EPHA6: variants seen among roughly 807,000 people sequenced by gnomAD.
The protein encoded by EPHA6 is ephrin type-A receptor 6.
A neutral mutation model predicts 112.0 loss-of-function variants in EPHA6; 50 were observed. The observed-to-expected ratio is 0.45, with a 90% CI of 0.36 to 0.56. The LOEUF (loss-of-function observed/expected upper bound fraction) is 0.56, where lower values mean the gene tolerates loss of function less well. Ranked by LOEUF, EPHA6 falls within the 20% of genes least tolerant of loss-of-function variation. The pLI is 0.00. For synonymous variants in EPHA6, 529 were observed against 490.7 expected (o/e 1.08, Z -1.03); for missense variants, 1,280 against 1,417.4 (o/e 0.90, Z 1.56).
At chr3:97,012,625 A>AT (rs762686976) in intron 3 of EPHA6, among the ~76,000 whole-genome samples, 3,357 of 131,446 alleles carry the variant, frequency 0.026, 146 homozygotes, top group African/African-American at 0.086. Context: ...ATATATATGT[A>AT]TTTTTTTTTT....
chr3:97,342,790 G>A (rs1292416472), intron 5 of EPHA6, among the ~76,000 whole-genome samples: 2 of 152,096 alleles, frequency 1.3e-5, no homozygotes, highest in Non-Finnish European at 2.9e-5. Context: ...CAGAAAGAGG[G>A]CCCTAACCCA....
chr3:97,203,215 A>T (rs2077625517), intron 3 of EPHA6, among the ~76,000 whole-genome samples: 1 of 152,176 alleles, frequency 6.6e-6, no homozygotes, highest in African/African-American at 2.4e-5. Context: ...TGTCAAAATT[A>T]TGTTGTAAGG....
At chr3:97,648,660 C>A (rs1185331371) in intron 14 of EPHA6, 4 of 1,067,592 alleles carry the variant, frequency 3.7e-6, no homozygotes, top group Non-Finnish European at 4.5e-6. Context: ...AAAACATACT[C>A]AGAACTTTCA....
intron 13 of EPHA6, among the ~76,000 whole-genome samples, chr3:97,613,969 C>A (rs1231739085): frequency 1.3e-5 from 2 of 152,190 alleles, no homozygotes; most frequent in Non-Finnish European, 2.9e-5. Flanking sequence ...CTTTTTGTGG[C>A]ACTTACCTGC....
chr3:97,507,966 C>A (rs1268035803), intron 10 of EPHA6, among the ~76,000 whole-genome samples: 3 of 152,098 alleles, frequency 2.0e-5, no homozygotes, highest in African/African-American at 7.2e-5. Flanking sequence ...TTATAGTATT[C>A]TCTGATGGTA....
At chr3:97,397,921 A>G (rs985048782) in intron 5 of EPHA6, among the ~76,000 whole-genome samples, 1 of 151,554 alleles carries the variant, frequency 6.6e-6, no homozygotes, top group African/African-American at 2.4e-5. Context: ...TAACATATGA[A>G]AGGAATGTGC....
At chr3:97,153,795 A>C (rs1208429202) in intron 3 of EPHA6, among the ~76,000 whole-genome samples, 2 of 152,158 alleles carry the variant, frequency 1.3e-5, no homozygotes, top group Non-Finnish European at 2.9e-5. Context: ...ATGTGATCAA[A>C]ATTAAACTTC....
At chr3:97,048,667 T>C (rs796443424) in intron 3 of EPHA6, among the ~76,000 whole-genome samples, 60 of 152,264 alleles carry the variant, frequency 3.9e-4, no homozygotes, top group African/African-American at 1.3e-3. Flanking sequence ...GTAATATTTG[T>C]ACATGGAAAA....
intron 5 of EPHA6, among the ~76,000 whole-genome samples, chr3:97,346,667 A>ATT (rs59747272): frequency 0.073 from 10,699 of 145,714 alleles, 1,237 homozygotes; most frequent in African/African-American, 0.24. Flanking sequence ...CAGATGTTCA[A>ATT]TTTTTTTTTT....
intron 14 of EPHA6, among the ~76,000 whole-genome samples, chr3:97,653,134 G>A (rs1336574477): frequency 6.6e-6 from 1 of 151,710 alleles, no homozygotes; most frequent in African/African-American, 2.4e-5. Flanking sequence ...AGTGCTTAGG[G>A]TCTCAAAAGG....
intron 5 of EPHA6, among the ~76,000 whole-genome samples, chr3:97,259,406 T>C (rs1357089599): frequency 1.3e-5 from 2 of 152,210 alleles, no homozygotes; most frequent in African/African-American, 2.4e-5. Context: ...AGGTTATGCC[T>C]AAGCTTAGAA....
At position 97,755,406 on chromosome 3, in the gene EPHA6, A is replaced by G. The variant is rs888788031; in HGVS notation, c.*6705A>G. The stretch of plus-strand genomic sequence containing the variant: ...TTATTTGTGACCTCTGGCCATTTTT[A>G]ATTTGTCATAATAAACTCATTTCTG... On this transcript the variant is annotated 3_prime_UTR_variant, in exon 18 of 18. Coordinates refer to ENST00000389672, the MANE Select transcript of EPHA6 (RefSeq NM_001080448.3). Among the ~76,000 whole-genome samples, 5 of 152,188 alleles carry G rather than the reference A, an allele frequency of 3.3e-5. No individual in the cohort carries two copies. Among genetic ancestry groups the G allele is most frequent in the Non-Finnish European group, 7.4e-5 (5 of 68,002 alleles).
intron 5 of EPHA6, among the ~76,000 whole-genome samples, chr3:97,334,466 T>C (rs1489055872): frequency 1.4e-5 from 2 of 147,588 alleles, no homozygotes; most frequent in Non-Finnish European, 3.0e-5. Flanking sequence ...CTTTTCTTTC[T>C]TTTTTTTTCT....
At chr3:96,924,276 A>G (rs555699012) in intron 2 of EPHA6, among the ~76,000 whole-genome samples, 4 of 152,208 alleles carry the variant, frequency 2.6e-5, no homozygotes, top group Non-Finnish European at 5.9e-5. Context: ...CTTCTTCTCT[A>G]TGAGCATGGA....
chr3:96,888,271 C>T (rs1165686030), intron 2 of EPHA6, among the ~76,000 whole-genome samples: 1 of 152,186 alleles, frequency 6.6e-6, no homozygotes, highest in East Asian at 1.9e-4. Flanking sequence ...ACTGCTTCCC[C>T]TACCACTGTA....
intron 5 of EPHA6, among the ~76,000 whole-genome samples, chr3:97,331,947 A>T (rs1056780369): frequency 5.7e-4 from 86 of 151,964 alleles, no homozygotes; most frequent in Non-Finnish European, 1.0e-3. Flanking sequence ...TGGCAGAGAC[A>T]CAACAAAAAA....
intron 2 of EPHA6, among the ~76,000 whole-genome samples, chr3:96,920,988 T>C (rs2039729404): frequency 6.6e-6 from 1 of 152,038 alleles, no homozygotes; most frequent in African/African-American, 2.4e-5. Flanking sequence ...CCAGAATTCT[T>C]TAAGACTGTT....
chr3:97,267,799 C>T (rs1278738994), intron 5 of EPHA6, among the ~76,000 whole-genome samples: 1 of 151,978 alleles, frequency 6.6e-6, no homozygotes, highest in African/African-American at 2.4e-5. Flanking sequence ...TTAACTAGAA[C>T]AAATATCCTA....
At chr3:96,898,116 A>G (rs1459166663) in intron 2 of EPHA6, among the ~76,000 whole-genome samples, 1 of 152,206 alleles carries the variant, frequency 6.6e-6, no homozygotes, top group Non-Finnish European at 1.5e-5. Context: ...AATATTACTG[A>G]ACATGGAAAA....
Sources: gnomAD v4.1 joint callset for allele counts (sites outside exome capture counted in the v4.1 genomes callset) on GRCh38, gnomAD v4.1.1 for gene constraint, MANE v1.5 for transcripts, NCBI Gene and HGNC (gene_info 2026-07-23, HGNC 2026-07-21) for gene names.